CNTNAP2: variants seen among roughly 807,000 people sequenced by gnomAD.
The protein encoded by CNTNAP2 is contactin associated protein 2.
A neutral mutation model predicts 155.2 loss-of-function variants in CNTNAP2; 98 were observed. The ratio of observed to expected loss-of-function variants is 0.63; its 90% CI spans 0.54 to 0.75. CNTNAP2 has a LOEUF of 0.75. Among genes scored for constraint, CNTNAP2 ranks in the 30% least tolerant of loss-of-function variants. The pLI, the probability that CNTNAP2 is intolerant of heterozygous loss-of-function variation, is 0.00. For synonymous variants in CNTNAP2, 651 were observed against 631.2 expected, an observed-to-expected ratio of 1.03 and a Z score of -0.47; for missense variants, 1,727 against 1,688.1, an observed-to-expected ratio of 1.02 and a Z score of -0.40.
intron 1 of CNTNAP2, among the ~76,000 whole-genome samples, chr7:146,126,866 T>C (rs1024478056): frequency 2.6e-5 from 4 of 152,186 alleles, no homozygotes; most frequent in South Asian, 2.1e-4. Flanking sequence ...CATCCGCTGC[T>C]CTCCATTCCT....
rs906122594 is a variant in CNTNAP2, at chr7:148,108,038, G to A, written c.2384-10080G>A. On this transcript the variant is annotated intron_variant, in intron 15 of 23. Coordinates refer to ENST00000361727, the MANE Select transcript of CNTNAP2 (RefSeq NM_014141.6). ...GCAGTCTTCTCCATGCGAGCCAAAC[G>A]CAGACTCTTCTAGCCACCATCTCTT... 3.3e-5 allele frequency among the ~76,000 whole-genome samples: 5 copies of A among 152,152 alleles called. No individual in the cohort carries two copies. The South Asian group carries it at 6.2e-4, about 19-fold the overall frequency.
rs558327108 is a variant in CNTNAP2 at position 146,308,799 on chromosome 7, G to A, written c.97+191826G>A. Among the ~76,000 whole-genome samples, 6 of 152,082 alleles carry A rather than the reference G, an allele frequency of 3.9e-5. No individual in the cohort carries two copies. The East Asian group carries it at 7.8e-4, about 20-fold the overall frequency. ...CAATAAAAACACTTGGACACACGGC[G>A]GGGAACATCACATACCGGGGCCTGT... On this transcript the variant is annotated intron_variant, in intron 1 of 23. Coordinates refer to ENST00000361727, the MANE Select transcript of CNTNAP2 (RefSeq NM_014141.6).
intron 3 of CNTNAP2, 39 bp from the exon 4 acceptor site, chr7:147,043,868 T>C (rs1227125833): frequency 6.2e-6 from 10 of 1,612,186 alleles, no homozygotes; most frequent in Non-Finnish European, 6.8e-6. Flanking sequence ...GTTTCTAAAG[T>C]ATTTTTCCCA....
intron 20 of CNTNAP2, among the ~76,000 whole-genome samples, chr7:148,261,756 T>C (rs187571818): frequency 1.3e-5 from 2 of 152,238 alleles, no homozygotes; most frequent in African/African-American, 4.8e-5. Context: ...TGTGGGCAGG[T>C]TGCCATGGCT....
intron 14 of CNTNAP2, among the ~76,000 whole-genome samples, chr7:147,933,038 T>C (rs1800533621): frequency 6.9e-6 from 1 of 144,286 alleles, no homozygotes; most frequent in Admixed American, 7.1e-5. Context: ...AGGGTGGCTA[T>C]TGGTTTTTAT....
chr7:147,951,282 T>C (rs1800926232), intron 14 of CNTNAP2, among the ~76,000 whole-genome samples: 1 of 151,842 alleles, frequency 6.6e-6, no homozygotes, highest in African/African-American at 2.4e-5. Flanking sequence ...AGAACAACAG[T>C]AAGAAAAAGT....
Position 147,908,102 on chromosome 7 carries a change from T to C in CNTNAP2, c.2255+4381T>C, listed in dbSNP as rs1247088127. On this transcript the variant is annotated intron_variant, in intron 14 of 23. Transcript: ENST00000361727. ...AATTCTTAATGATTCCAATTGACTCTTAAATGAAAATAAATGAAAACAGAG... is the reference window on the plus strand; with the variant it reads ...AATTCTTAATGATTCCAATTGACTCCTAAATGAAAATAAATGAAAACAGAG... 2.0e-5 allele frequency among the ~76,000 whole-genome samples: 3 copies of C among 152,152 alleles called. 1 individual carries two copies. The highest frequency in any genetic ancestry group is 2.0e-4 in the Admixed American group (3 of 15,274).
At chr7:146,778,597 T>A (rs1254271924) in intron 2 of CNTNAP2, among the ~76,000 whole-genome samples, 2 of 152,218 alleles carry the variant, frequency 1.3e-5, no homozygotes, top group African/African-American at 4.8e-5. Flanking sequence ...CTTAGATGTG[T>A]TACTCTTTCC....
chr7:146,175,334 T>G (rs1344183316), intron 1 of CNTNAP2, among the ~76,000 whole-genome samples: 3 of 152,206 alleles, frequency 2.0e-5, no homozygotes, highest in African/African-American at 7.2e-5. Flanking sequence ...GAGGCAGTTT[T>G]GAAGCCACTG....
chr7:147,121,518 A>G (rs1197743526), intron 6 of CNTNAP2: 3 of 211,416 alleles, frequency 1.4e-5, no homozygotes, highest in African/African-American at 7.1e-5. Context: ...TTATATGCAG[A>G]GGGTTGTCTA....
chr7:147,103,956 G>T (rs1800704186), intron 4 of CNTNAP2, among the ~76,000 whole-genome samples: 1 of 152,024 alleles, frequency 6.6e-6, no homozygotes, highest in African/African-American at 2.4e-5. Flanking sequence ...GATTAGAAGT[G>T]ACTAGGGAGG....
chr7:146,123,437 A>G (rs1797591281), intron 1 of CNTNAP2, among the ~76,000 whole-genome samples: 1 of 152,194 alleles, frequency 6.6e-6, no homozygotes, highest in Non-Finnish European at 1.5e-5. Flanking sequence ...TGTGAATCAT[A>G]GAAAATGGCA....
intron 3 of CNTNAP2, among the ~76,000 whole-genome samples, chr7:146,889,346 A>T (rs1795733367): frequency 6.6e-6 from 1 of 152,146 alleles, no homozygotes; most frequent in African/African-American, 2.4e-5. Flanking sequence ...GGTAGAATAC[A>T]GCAATAGACT....
intron 13 of CNTNAP2, among the ~76,000 whole-genome samples, chr7:147,680,969 A>G (rs1795940115): frequency 6.6e-6 from 1 of 151,910 alleles, no homozygotes; most frequent in Admixed American, 6.6e-5. Flanking sequence ...TATATAACTC[A>G]TGTATAAAGA....
intron 9 of CNTNAP2, among the ~76,000 whole-genome samples, chr7:147,315,667 A>C (rs565207905): frequency 7.2e-5 from 11 of 151,874 alleles, no homozygotes; most frequent in Admixed American, 5.9e-4. Context: ...TTTTTAGTAG[A>C]GATGGCGTTT....
intron 1 of CNTNAP2, among the ~76,000 whole-genome samples, chr7:146,768,717 G>A (rs970121506): frequency 6.6e-6 from 1 of 152,032 alleles, no homozygotes; most frequent in Non-Finnish European, 1.5e-5. Flanking sequence ...TTTCTGTTCA[G>A]CTAGCACTGT....
intron 3 of CNTNAP2, among the ~76,000 whole-genome samples, chr7:146,967,191 G>C (rs1209686446): frequency 6.6e-6 from 1 of 152,138 alleles, no homozygotes; most frequent in Non-Finnish European, 1.5e-5. Flanking sequence ...AAGATGTCAG[G>C]TGGAAAATAT....
intron 11 of CNTNAP2, among the ~76,000 whole-genome samples, chr7:147,488,413 G>A (rs1179199344): frequency 6.6e-6 from 1 of 152,172 alleles, no homozygotes; most frequent in East Asian, 1.9e-4. Context: ...AGTGAGCTGA[G>A]ATTTGCAGTT....
intron 13 of CNTNAP2, among the ~76,000 whole-genome samples, chr7:147,871,186 T>C (rs913969282): frequency 2.0e-5 from 3 of 152,226 alleles, no homozygotes; most frequent in Admixed American, 6.5e-5. Flanking sequence ...TTTAGATATG[T>C]ATTGAAAGAA....
Sources: gnomAD v4.1 joint callset for allele counts (sites outside exome capture counted in the v4.1 genomes callset) on GRCh38, gnomAD v4.1.1 for gene constraint, MANE v1.5 for transcripts, NCBI Gene and HGNC (gene_info 2026-07-23, HGNC 2026-07-21) for gene names.